PTPRT: variants seen among roughly 807,000 people sequenced by gnomAD.
PTPRT encodes protein tyrosine phosphatase receptor type T.
PTPRT carries 56 observed loss-of-function variants against 176.8 expected under a neutral mutation model. The ratio of observed to expected loss-of-function variants is 0.32; its 90% CI spans 0.26 to 0.40. The LOEUF (loss-of-function observed/expected upper bound fraction) is 0.40. Among genes scored for constraint, PTPRT ranks in the 10% least tolerant of loss-of-function variants. The probability of loss-of-function intolerance (pLI) is 1.00; values close to 1 mark genes in which losing one functional copy is unlikely to be tolerated. For synonymous variants in PTPRT, 783 were observed against 739.0 expected, an observed-to-expected ratio of 1.06 and a Z score of -0.96; for missense variants, 1,540 against 1,908.2, an observed-to-expected ratio of 0.81 and a Z score of 3.60.
At chr20:42,921,033 C>A (rs554158810) in intron 1 of PTPRT, among the ~76,000 whole-genome samples, 1 of 152,144 alleles carries the variant, frequency 6.6e-6, no homozygotes, top group East Asian at 1.9e-4. Context: ...AGAGACAGCA[C>A]GGCAAAATGC....
chr20:43,016,515 T>A (rs897552223), intron 1 of PTPRT, among the ~76,000 whole-genome samples: 1 of 149,434 alleles, frequency 6.7e-6, no homozygotes, highest in Admixed American at 6.7e-5. Context: ...TGTCTCTGAC[T>A]CTCTGTCTGC....
chr20:42,376,408 T>G (rs1223415307), intron 9 of PTPRT, among the ~76,000 whole-genome samples: 1 of 152,230 alleles, frequency 6.6e-6, no homozygotes, highest in Non-Finnish European at 1.5e-5. Context: ...GGTTGCACTC[T>G]ATGACAGTGA....
intron 12 of PTPRT, among the ~76,000 whole-genome samples, chr20:42,302,361 A>G (rs539718934): frequency 6.6e-6 from 1 of 152,232 alleles, no homozygotes; most frequent in East Asian, 1.9e-4. Flanking sequence ...CATATCCCGG[A>G]ACCAACACCG....
At chr20:42,703,332 A>T (rs1301432354) in intron 6 of PTPRT, among the ~76,000 whole-genome samples, 1 of 152,210 alleles carries the variant, frequency 6.6e-6, no homozygotes, top group African/African-American at 2.4e-5. Flanking sequence ...GACTATTTCC[A>T]TAAAAAAAAT....
chr20:42,490,965 G>C (rs1046461300), intron 7 of PTPRT, among the ~76,000 whole-genome samples: 1 of 151,934 alleles, frequency 6.6e-6, no homozygotes, highest in Admixed American at 6.6e-5. Context: ...TCAAGTTTGG[G>C]GTAATTATAA....
At chr20:42,539,371 T>G (rs1568961086) in intron 7 of PTPRT, among the ~76,000 whole-genome samples, 1 of 151,866 alleles carries the variant, frequency 6.6e-6, no homozygotes. Flanking sequence ...CTTTTTTTTT[T>G]TTTTTTTGTG....
At chr20:42,616,974 T>A (rs1349829080) in intron 7 of PTPRT, among the ~76,000 whole-genome samples, 1 of 133,482 alleles carries the variant, frequency 7.5e-6, no homozygotes, top group Non-Finnish European at 1.6e-5. Flanking sequence ...TCCAACACTA[T>A]GTTGAATAGG....
chr20:42,516,561 AC>A (rs2072071313), intron 7 of PTPRT, among the ~76,000 whole-genome samples: 2 of 152,176 alleles, frequency 1.3e-5, no homozygotes, highest in Non-Finnish European at 2.9e-5. Context: ...AGATTTTTAA[AC>A]AGTTTACATT....
intron 20 of PTPRT, among the ~76,000 whole-genome samples, chr20:42,119,013 GAAAAAAAAAAAAAAAA>G (rs11415242): frequency 3.4e-5 from 1 of 29,214 alleles, no homozygotes; most frequent in African/African-American, 1.4e-4. Flanking sequence ...AGAAAGGAAG[GAAAAAAAAAAAAAAAA>G]AAAAAAAAAA....
chr20:42,843,843 A>G (rs1234722451), intron 2 of PTPRT, among the ~76,000 whole-genome samples: 1 of 152,252 alleles, frequency 6.6e-6, no homozygotes, highest in Non-Finnish European at 1.5e-5. Flanking sequence ...CAGTGACCTT[A>G]AAAAGCACAT....
At chr20:43,067,575 T>G (rs974569870) in intron 1 of PTPRT, among the ~76,000 whole-genome samples, 2 of 152,126 alleles carry the variant, frequency 1.3e-5, no homozygotes, top group Non-Finnish European at 2.9e-5. Flanking sequence ...TGATATGATC[T>G]GAGATGTACT....
At chr20:42,305,622 C>CGTGTGTGTGTGTGT (rs1555819845) in intron 12 of PTPRT, among the ~76,000 whole-genome samples, 1 of 151,632 alleles carries the variant, frequency 6.6e-6, no homozygotes, top group African/African-American at 2.4e-5. Context: ...TGTGTGTGTG[C>CGTGTGTGTGTGTGT]GTGTATGTGT....
chr20:42,160,691 A>T (rs938464264), intron 17 of PTPRT, among the ~76,000 whole-genome samples: 1 of 152,202 alleles, frequency 6.6e-6, no homozygotes, highest in African/African-American at 2.4e-5. Context: ...CCTGTCCTTT[A>T]CTGCAGTCCT....
At chr20:42,403,007 C>T (rs954394330) in intron 9 of PTPRT, among the ~76,000 whole-genome samples, 2 of 152,020 alleles carry the variant, frequency 1.3e-5, no homozygotes, top group African/African-American at 4.8e-5. Flanking sequence ...TAATTATTCT[C>T]AATGCAATAC....
At chr20:43,090,490 G>A (rs949807564) in intron 1 of PTPRT, among the ~76,000 whole-genome samples, 2 of 152,006 alleles carry the variant, frequency 1.3e-5, no homozygotes, top group African/African-American at 2.4e-5. Flanking sequence ...GGATGGTCTT[G>A]ATATTCTGAC....
chr20:42,640,280 T>A (rs1011325884), intron 7 of PTPRT, among the ~76,000 whole-genome samples: 15 of 152,194 alleles, frequency 9.9e-5, no homozygotes, highest in African/African-American at 3.4e-4. Context: ...TCTTTGTCTA[T>A]ACATTTTTGC....
intron 7 of PTPRT, among the ~76,000 whole-genome samples, chr20:42,477,249 G>A (rs2071306060): frequency 1.3e-5 from 2 of 152,186 alleles, no homozygotes; most frequent in Admixed American, 6.5e-5. Flanking sequence ...ACGTGGCACA[G>A]GGTCTGTCAA....
At chr20:42,299,988 C>T (rs1467288494) in intron 12 of PTPRT, among the ~76,000 whole-genome samples, 4 of 149,716 alleles carry the variant, frequency 2.7e-5, no homozygotes, top group Non-Finnish European at 4.4e-5. Context: ...CTGGGTGTGG[C>T]GGCTCATGCC....
At chr20:42,525,317 T>G (rs2145513719) in intron 7 of PTPRT, among the ~76,000 whole-genome samples, 1 of 152,320 alleles carries the variant, frequency 6.6e-6, no homozygotes. Context: ...TTTTAAATAT[T>G]TTTTCCATAT....
Sources: allele counts gnomAD v4.1 joint callset (sites outside exome capture counted in the v4.1 genomes callset), GRCh38; gene constraint gnomAD v4.1.1; transcripts MANE v1.5; gene names NCBI Gene and HGNC (gene_info 2026-07-23, HGNC 2026-07-21).